The following NONO variants were observed in gnomAD, a reference collection of about 807,000 sequenced individuals.
NONO encodes non-POU domain containing octamer binding.
A neutral mutation model predicts 40.2 loss-of-function variants in NONO; 6 were observed. The observed-to-expected ratio is 0.15, with a 90% confidence interval of 0.08 to 0.29. The LOEUF (loss-of-function observed/expected upper bound fraction) is 0.29. Among genes scored for constraint, NONO ranks in the 10% least tolerant of loss-of-function variants. The pLI, the probability that NONO is intolerant of heterozygous loss-of-function variation, is 1.00. For missense variants in NONO, 133 were observed against 397.8 expected, an observed-to-expected ratio of 0.33 and a Z score of 5.66; for synonymous variants, 89 against 123.3, an observed-to-expected ratio of 0.72 and a Z score of 1.85.
chrX:71,295,467 A>G (rs2031422233), intron 5 of NONO, among the ~76,000 whole-genome samples: 1 of 109,670 alleles, frequency 9.1e-6, no homozygotes, highest in South Asian at 3.9e-4. Context: ...AGCCTGGGCA[A>G]GAGAACAAGA....
At chrX:71,289,448 C>T (rs2031274864) in intron 2 of NONO, among the ~76,000 whole-genome samples, 2 of 109,453 alleles carry the variant, frequency 1.8e-5, no homozygotes, top group South Asian at 7.9e-4. Context: ...CCTGCCACCA[C>T]GCCCGGCTAA....
Position 71,296,651 on chromosome X carries a change from A to T in NONO, c.737A>T (p.Gln246Leu), listed in dbSNP as rs2031458125. 1 of 1,184,011 alleles carries T rather than the reference A, an allele frequency of 8.4e-7. No homozygotes were observed. Among genetic ancestry groups the T allele is most frequent in the African/African-American group, 1.8e-5 (1 of 56,871 alleles). The change falls in exon 6 of 12, where the codon CAA becomes CTA. Residue 246 changes from glutamine (Q) to leucine (L), a missense_variant. This residue lies in a region of NONO where 32 missense variants were observed against 206.0 expected (regional missense o/e 0.16). Coordinates refer to ENST00000276079, the MANE Select transcript of NONO (RefSeq NM_007363.5). ...GAGAAGCTGGTTATAAAAAACCAGC[A>T]ATTTCACAAGTATGCAGTCTTGATA... ...LPEKLVIKNQ[Q>L]FHKEREQPPR...
At chrX:71,295,697 A>G (rs2031429585) in intron 5 of NONO, among the ~76,000 whole-genome samples, 1 of 109,882 alleles carries the variant, frequency 9.1e-6, no homozygotes, top group Admixed American at 9.8e-5. Flanking sequence ...AGGCTGAGGC[A>G]GGAGAATCAC....
chrX:71,290,709 C>CCAGCAGCAGCACCACCAGCAG lies in NONO; in HGVS notation c.75_95dup (p.His28_Gln34dup). 1 of 1,204,614 alleles carries CCAGCAGCAGCACCACCAGCAG rather than the reference C, an allele frequency of 8.3e-7. No individual in the cohort carries two copies. Among genetic ancestry groups the CCAGCAGCAGCACCACCAGCAG allele is most frequent in the Non-Finnish European group, 1.1e-6 (1 of 890,873 alleles). ...CAAGAAAGCATCATCAACATCACCA[C>CCAGCAGCAGCACCACCAGCAG]CAGCAGCAGCACCACCAGCAGCAAC... On this transcript the variant is annotated inframe_insertion, in exon 3 of 12. Coordinates refer to ENST00000276079, the MANE Select transcript of NONO (RefSeq NM_007363.5).
intron 8 of NONO, 48 bp from the exon 9 acceptor site, chrX:71,297,788 C>G: frequency 1.0e-6 from 1 of 989,736 alleles, no homozygotes; most frequent in Non-Finnish European, 1.4e-6. Flanking sequence ...TTAATCTGCT[C>G]AAGTTCTGAA....
At chrX:71,299,088 A>G (rs1370886409) in intron 11 of NONO, among the ~76,000 whole-genome samples, 1 of 111,305 alleles carries the variant, frequency 9.0e-6, no homozygotes, top group Non-Finnish European at 1.9e-5. Flanking sequence ...TGCCCGGCTA[A>G]TTTTTGTATT....
chrX:71,296,490 T>C, intron 5 of NONO, 75 bp from the exon 6 acceptor site: 1 of 663,464 alleles, frequency 1.5e-6, no homozygotes, highest in Non-Finnish European at 2.3e-6. Context: ...TAATTCATTG[T>C]GCCAGTGACA....
chrX:71,284,756 A>G (rs1237539988), intron 2 of NONO, among the ~76,000 whole-genome samples: 1 of 112,039 alleles, frequency 8.9e-6, no homozygotes, highest in Non-Finnish European at 1.9e-5. Context: ...CCAGGCAGCC[A>G]TCTCAGTCTT....
chrX:71,284,157 A>G (rs186365836), intron 1 of NONO: 1 of 111,745 alleles, frequency 8.9e-6, no homozygotes, highest in African/African-American at 3.2e-5. Flanking sequence ...CTCAAGCGAT[A>G]TTTCTTTGTC....
chrX:71,297,474 G>A lies in NONO; in HGVS notation c.1028+13G>A, dbSNP rs1207724512. 2.6e-6 allele frequency: 3 copies of A among 1,136,197 alleles called. No individual in the cohort carries two copies. The highest frequency in any genetic ancestry group is 2.6e-5 in the Admixed American group (1 of 38,845). The allele number at this position is 1,136,197 out of a possible 1,213,427, so 93.6% of individuals were successfully genotyped here. A position where few individuals can be genotyped will look rare whatever the true frequency, so the allele number is the denominator to read the frequency against. On this transcript the variant is annotated intron_variant, in intron 8 of 11. Transcript: ENST00000276079. ...AACTGGAGCTCAGGTAACTTTTCTC[G>A]AACACTTTTTCCCTAACAACTCTAA...
At chrX:71,292,680 CT>C (rs1298389794) in intron 4 of NONO, 2 of 112,181 alleles carry the variant, frequency 1.8e-5, no homozygotes, top group African/African-American at 6.5e-5. Context: ...ACCATGTTGC[CT>C]TGGCTAGACT....
chrX:71,297,144 C>T lies in NONO; in HGVS notation c.943+97C>T. ...ATTAACAGAAGGGCCTACATCTCTG[C>T]TTTTATACTTAGTTTGCGTTGATTT... On this transcript the variant is annotated intron_variant, in intron 7 of 11. Transcript: ENST00000276079. 3.7e-6 allele frequency: 3 copies of T among 804,995 alleles called. No homozygotes were observed. In the South Asian group the frequency reaches 8.3e-5, roughly 22 times the overall value. The allele number at this position is 804,995 out of a possible 1,213,427, so 66.3% of individuals were successfully genotyped here.
intron 9 of NONO, chrX:71,298,210 A>G (rs758281061): frequency 9.9e-5 from 43 of 435,701 alleles, no homozygotes; most frequent in East Asian, 9.5e-4. Context: ...TGTCCTTGCA[A>G]TTGTACAAGT....
rs907540219 is a variant in NONO, at chrX:71,301,054, AT to A, written c.*988del. On this transcript the variant is annotated 3_prime_UTR_variant, in exon 12 of 12. Transcript: ENST00000276079. ...CCTATCTTAGGTAGTCATGCTGTGC[AT>A]TTTTTTTTTCATTGGTGTACTGTGT... 103 of 137,312 alleles carry A rather than the reference AT, an allele frequency of 7.5e-4. No individual in the cohort carries two copies. The highest frequency in any genetic ancestry group is 8.5e-4 in the Non-Finnish European group (60 of 70,469). 11.3% of individuals were successfully genotyped at this position (137,312 alleles called of 1,213,427 possible).
In NONO at chrX:71,294,325, C is replaced by T. The variant is rs151206751; in HGVS notation, c.447C>T (p.Ser149=). ...LRVRFACHSA[S]LTVRNLPQYV... ...TGCGCTTTGCCTGCCATAGTGCATC[C>T]CTTACAGTTCGAAACCTTCCTCAGT... Residue 149 remains serine (S), a synonymous_variant, in exon 5 of 12, where the codon TCC becomes TCT. Transcript: ENST00000276079. 777 of 1,210,471 alleles carry T rather than the reference C, an allele frequency of 6.4e-4. No individual in the cohort carries two copies. Among genetic ancestry groups the T allele is most frequent in the Non-Finnish European group, 8.2e-4 (738 of 895,294 alleles).
At chrX:71,289,237 C>T (rs1466761152) in intron 2 of NONO, among the ~76,000 whole-genome samples, 1 of 111,638 alleles carries the variant, frequency 9.0e-6, no homozygotes, top group East Asian at 2.8e-4. Context: ...TGCAGTATAA[C>T]TGCTGATGCC....
intron 8 of NONO, 27 bp downstream of exon 8, chrX:71,297,488 T>C: frequency 9.5e-7 from 1 of 1,054,971 alleles, no homozygotes; most frequent in Non-Finnish European, 1.3e-6. Flanking sequence ...ACTTTTTCCC[T>C]AACAACTCTA....
chrX:71,294,549 G>T, intron 5 of NONO, 21 bp downstream of exon 5: 1 of 1,173,984 alleles, frequency 8.5e-7, no homozygotes, highest in Admixed American at 2.3e-5. Context: ...GTCATTTTCA[G>T]ACGTAGACCT....
rs2031460356 is a variant in NONO at position 71,296,768 on chromosome X, A to G, written c.747-83A>G. 5 of 1,057,599 alleles carry G rather than the reference A, an allele frequency of 4.7e-6. No homozygotes were observed. The African/African-American group carries it at 5.6e-5, about 12-fold the overall frequency. 87.2% of individuals were successfully genotyped at this position (1,057,599 alleles called of 1,213,427 possible). ...TTGCTGCACATGTTCACTGGCAGCC[A>G]TTATCTTGGTCCTCACAAGGAATGC... On this transcript the variant is annotated intron_variant, in intron 6 of 11. Coordinates refer to ENST00000276079, the MANE Select transcript of NONO (RefSeq NM_007363.5).
Sources: gnomAD v4.1 joint callset for allele counts (sites outside exome capture counted in the v4.1 genomes callset) on GRCh38, gnomAD v4.1.1 for gene constraint, gnomAD v4.1.1 regional missense constraint, MANE v1.5 for transcripts, NCBI Gene and HGNC (gene_info 2026-07-23, HGNC 2026-07-21) for gene names.